Variants in CADPS observed in about 807,000 individuals in gnomAD.
The protein encoded by CADPS is calcium-dependent secretion activator 1.
CADPS carries 57 observed loss-of-function variants against 167.3 expected under a neutral mutation model. The observed-to-expected ratio is 0.34, with a 90% confidence interval of 0.28 to 0.42. The LOEUF (loss-of-function observed/expected upper bound fraction) is 0.42. Ranked by LOEUF, CADPS falls within the 20% of genes least tolerant of loss-of-function variation. The pLI, the probability that CADPS is intolerant of heterozygous loss-of-function variation, is 1.00. For synonymous variants in CADPS, 676 were observed against 635.3 expected (o/e 1.06, Z -0.96); for missense variants, 1,414 against 1,738.1 (o/e 0.81, Z 3.32).
chr3:62,492,409 G>T lies in CADPS; in HGVS notation c.2765C>A (p.Ala922Glu), dbSNP rs769272343. The T allele has an allele frequency of 1.9e-6, 3 of 1,613,988 alleles. No homozygotes were observed. The highest frequency in any genetic ancestry group is 1.7e-6 in the Non-Finnish European group (2 of 1,179,902). The change falls in exon 20 of 30, where the codon GCG becomes GAG. Residue 922 changes from alanine to glutamate, a missense_variant. Transcript: ENST00000383710. Reference sequence around the variant, plus strand: ...TGCAAAGAGTGACAGGAACGTCTCCGCATGCTCCACCATTAAATCTGACCA... The same window carrying T: ...TGCAAAGAGTGACAGGAACGTCTCCTCATGCTCCACCATTAAATCTGACCA... Reference protein sequence around the residue: ...AWWSDLMVEHAETFLSLFAVD... With the variant: ...AWWSDLMVEHEETFLSLFAVD...
In CADPS at chr3:62,433,057, C is replaced by G. The variant is rs1038588222; in HGVS notation, c.3777+5047G>C. ...CTGGTGATATACCTTACAGATATAG[C>G]GTCATGTCCTCCTTGTAGCCTATTA... On this transcript the variant is annotated intron_variant, in intron 28 of 29. Transcript: ENST00000383710. This position sits in a 1 kb window ranked among gnomAD's most constrained non-coding sequence, Gnocchi z 4.7. 6.6e-6 allele frequency among the ~76,000 whole-genome samples: 1 copy of G among 152,060 alleles called. No individual in the cohort carries two copies. The highest frequency in any genetic ancestry group is 2.4e-5 in the African/African-American group (1 of 41,388).
intron 1 of CADPS, chr3:62,779,525 T>C: frequency 1.9e-6 from 1 of 537,096 alleles, no homozygotes; most frequent in Non-Finnish European, 3.8e-6. Flanking sequence ...TGGCCCATCA[T>C]GTGGCTGCCC....
At chr3:62,493,801 G>A (rs1436516227) in intron 18 of CADPS, 136 bp from the exon 19 acceptor site, 1 of 693,634 alleles carries the variant, frequency 1.4e-6, no homozygotes, top group Non-Finnish European at 2.5e-6. Context: ...GGAGAGGGGA[G>A]ATGCTGGCCT....
chr3:62,651,980 G>T (rs905490586), intron 4 of CADPS, among the ~76,000 whole-genome samples: 4 of 152,066 alleles, frequency 2.6e-5, no homozygotes, highest in African/African-American at 9.7e-5. Context: ...GGTAGACCCA[G>T]CTTCAGGAAA....
At chr3:62,854,514 A>C (rs1361364641) in intron 1 of CADPS, among the ~76,000 whole-genome samples, 1 of 152,238 alleles carries the variant, frequency 6.6e-6, no homozygotes, top group Non-Finnish European at 1.5e-5. Flanking sequence ...GCTGTCAAGG[A>C]ATATCTCCAT....
intron 11 of CADPS, among the ~76,000 whole-genome samples, chr3:62,543,432 A>G (rs773249116): frequency 6.6e-6 from 1 of 152,170 alleles, no homozygotes; most frequent in Admixed American, 6.6e-5. Context: ...TTAACTATTC[A>G]TCCATCCTTT....
At chr3:62,691,213 G>C (rs1047376861) in intron 3 of CADPS, among the ~76,000 whole-genome samples, 1 of 152,034 alleles carries the variant, frequency 6.6e-6, no homozygotes, top group African/African-American at 2.4e-5. Flanking sequence ...TTTTAGGACA[G>C]CGAAACTGCT....
intron 6 of CADPS, among the ~76,000 whole-genome samples, chr3:62,618,290 G>T (rs970546014): frequency 3.9e-5 from 6 of 152,040 alleles, no homozygotes; most frequent in African/African-American, 1.4e-4. Flanking sequence ...CATCGTTTGA[G>T]CATCTGGATC....
At chr3:62,841,035 G>C (rs1457152774) in intron 1 of CADPS, among the ~76,000 whole-genome samples, 1 of 152,138 alleles carries the variant, frequency 6.6e-6, no homozygotes, top group South Asian at 2.1e-4. Flanking sequence ...ATTTTTGTTA[G>C]AGCAAATGGG....
At chr3:62,503,383 G>C (rs990738776) in intron 17 of CADPS, among the ~76,000 whole-genome samples, 19 of 152,140 alleles carry the variant, frequency 1.2e-4, no homozygotes, top group Admixed American at 1.2e-3. Context: ...ATATGTTACA[G>C]GGCTGCTGAT....
chr3:62,431,844 T>C (rs888806096), intron 28 of CADPS, among the ~76,000 whole-genome samples: 5 of 151,312 alleles, frequency 3.3e-5, no homozygotes, highest in Admixed American at 6.6e-5. Context: ...CTTACTCATT[T>C]TAGAAAAAGA....
intron 3 of CADPS, among the ~76,000 whole-genome samples, chr3:62,737,794 C>T (rs2079309686): frequency 6.6e-6 from 1 of 152,120 alleles, no homozygotes; most frequent in African/African-American, 2.4e-5. Flanking sequence ...TATGATCTTC[C>T]CCAGGCTGTT....
chr3:62,840,586 AAAGTG>A (rs1462394406), intron 1 of CADPS, among the ~76,000 whole-genome samples: 50 of 152,258 alleles, frequency 3.3e-4, no homozygotes, highest in African/African-American at 1.2e-3. Flanking sequence ...TATATATAAA[AAAGTG>A]TGTGTGTTTG....
intron 7 of CADPS, among the ~76,000 whole-genome samples, chr3:62,588,305 T>TTTC (rs1483897884): frequency 1.3e-5 from 2 of 151,632 alleles, no homozygotes; most frequent in Non-Finnish European, 1.5e-5. Flanking sequence ...TTCTTTTTTT[T>TTTC]TTTTTTTTCC....
At chr3:62,467,764 C>G (rs866790337) in intron 24 of CADPS, among the ~76,000 whole-genome samples, 1 of 152,084 alleles carries the variant, frequency 6.6e-6, no homozygotes, top group African/African-American at 2.4e-5. Context: ...TTTAGCGGGT[C>G]TATGCTAGTA....
At chr3:62,590,854 TTTATTA>T (rs1443932221) in intron 7 of CADPS, among the ~76,000 whole-genome samples, 1 of 151,598 alleles carries the variant, frequency 6.6e-6, no homozygotes, top group Non-Finnish European at 1.5e-5. Flanking sequence ...ATTTATTTAT[TTTATTA>T]TTATTATTTT....
intron 9 of CADPS, among the ~76,000 whole-genome samples, chr3:62,560,431 G>T (rs1473269098): frequency 6.6e-6 from 1 of 152,200 alleles, no homozygotes; most frequent in Non-Finnish European, 1.5e-5. Flanking sequence ...TTGTAATAAA[G>T]GCATGGCAGA....
chr3:62,639,905 G>C (rs189754959), intron 6 of CADPS, among the ~76,000 whole-genome samples: 18 of 152,188 alleles, frequency 1.2e-4, no homozygotes, highest in African/African-American at 3.4e-4. Context: ...TGCACTTGCT[G>C]TTTCCTCTTC....
intron 8 of CADPS, among the ~76,000 whole-genome samples, chr3:62,581,297 C>A (rs986003984): frequency 6.6e-6 from 1 of 152,076 alleles, no homozygotes; most frequent in South Asian, 2.1e-4. Context: ...TCTGATGCTA[C>A]CTTCCCCTAA....
Sources: allele counts gnomAD v4.1 joint callset (sites outside exome capture counted in the v4.1 genomes callset), GRCh38; gene constraint gnomAD v4.1.1; non-coding constraint Gnocchi (gnomAD v3.1); transcripts MANE v1.5; gene names NCBI Gene and HGNC (gene_info 2026-07-23, HGNC 2026-07-21).